Variants in NOS1AP observed in about 807,000 individuals in gnomAD.
NOS1AP encodes the protein nitric oxide synthase 1 adaptor protein, also known as carboxyl-terminal PDZ ligand of neuronal nitric oxide synthase protein.
Under a neutral mutation model 56.2 loss-of-function variants are expected in NOS1AP, and 21 were observed. The observed-to-expected ratio is 0.37, with a 90% CI of 0.26 to 0.54. The LOEUF is 0.54. NOS1AP is among the 20% of genes least tolerant of loss of function. The probability of loss-of-function intolerance (pLI) is 0.84; values close to 1 mark genes in which losing one functional copy is unlikely to be tolerated. For synonymous variants in NOS1AP, 270 were observed against 274.6 expected (o/e 0.98, Z 0.17); for missense variants, 522 against 657.8 (o/e 0.79, Z 2.26).
At chr1:162,355,786 T>C (rs1437778276) in intron 7 of NOS1AP, among the ~76,000 whole-genome samples, 1 of 152,166 alleles carries the variant, frequency 6.6e-6, no homozygotes, top group Non-Finnish European at 1.5e-5. Flanking sequence ...TTCCTGTGGA[T>C]AGCACTTTGG....
At chr1:162,268,382 A>G (rs1352169377) in intron 2 of NOS1AP, among the ~76,000 whole-genome samples, 1 of 152,204 alleles carries the variant, frequency 6.6e-6, no homozygotes, top group Non-Finnish European at 1.5e-5. Flanking sequence ...TCCCAGAGAA[A>G]AGATCTCCAG....
At chr1:162,344,771 G>C (rs1157793424) in intron 6 of NOS1AP, among the ~76,000 whole-genome samples, 2 of 150,484 alleles carry the variant, frequency 1.3e-5, no homozygotes, top group Non-Finnish European at 3.0e-5. Flanking sequence ...GCAAGAAAAA[G>C]AGCAGATAAA....
chr1:162,154,866 C>T (rs1473115757), intron 2 of NOS1AP, among the ~76,000 whole-genome samples: 2 of 152,048 alleles, frequency 1.3e-5, no homozygotes, highest in Non-Finnish European at 2.9e-5. Flanking sequence ...GTTGCCCAGG[C>T]TGGTCTCGAA....
chr1:162,070,176 C>T lies in NOS1AP; in HGVS notation c.-2C>T. On this transcript the variant is annotated 5_prime_UTR_variant, in exon 1 of 10. Coordinates refer to ENST00000361897, the MANE Select transcript of NOS1AP (RefSeq NM_014697.3). Reference sequence around the variant, plus strand: ...GAAGGAGCGGGTCCGCCGCGGGTAACCATGCCTAGCAAAACCAAGTACAAC... The same window carrying T: ...GAAGGAGCGGGTCCGCCGCGGGTAATCATGCCTAGCAAAACCAAGTACAAC... 2 of 1,613,422 alleles carry T rather than the reference C, an allele frequency of 1.2e-6. No homozygotes were observed. The highest frequency in any genetic ancestry group is 1.1e-5 in the South Asian group (1 of 91,074).
At chr1:162,287,930 C>T (rs571578423) in intron 3 of NOS1AP, among the ~76,000 whole-genome samples, 236 of 152,256 alleles carry the variant, frequency 1.6e-3, no homozygotes, top group Admixed American at 3.3e-3. Flanking sequence ...TTACATCGTC[C>T]CTCAAGACCC....
intron 1 of NOS1AP, among the ~76,000 whole-genome samples, chr1:162,088,870 G>A (rs2102020965): frequency 6.6e-6 from 1 of 152,136 alleles, no homozygotes; most frequent in East Asian, 1.9e-4. Flanking sequence ...CCCTTCCTGT[G>A]GTAACGTCTT....
intron 3 of NOS1AP, among the ~76,000 whole-genome samples, chr1:162,289,217 C>CTTCCTTTCCT (rs1553202251): frequency 5.0e-5 from 1 of 20,142 alleles, no homozygotes; most frequent in African/African-American, 2.1e-4. Context: ...CCTTTCCTTC[C>CTTCCTTTCCT]TTCCTTCCTT....
intron 1 of NOS1AP, among the ~76,000 whole-genome samples, chr1:162,131,729 G>C (rs1285182664): frequency 1.3e-5 from 2 of 152,056 alleles, no homozygotes; most frequent in African/African-American, 4.8e-5. Flanking sequence ...GTGTTATAAG[G>C]CGGCATTTTT....
chr1:162,336,805 T>C (rs1656954797), intron 5 of NOS1AP, among the ~76,000 whole-genome samples: 2 of 152,170 alleles, frequency 1.3e-5, no homozygotes, highest in African/African-American at 2.4e-5. Flanking sequence ...GGAGTGCTGA[T>C]TGTTGTGTGT....
intron 8 of NOS1AP, among the ~76,000 whole-genome samples, chr1:162,361,873 C>T (rs1330349728): frequency 1.3e-5 from 2 of 152,200 alleles, no homozygotes; most frequent in Admixed American, 6.5e-5. Flanking sequence ...TTCCTTCACC[C>T]TCAATTCTAA....
chr1:162,269,407 CTTTAA>C (rs750985769), intron 2 of NOS1AP, among the ~76,000 whole-genome samples: 12 of 152,028 alleles, frequency 7.9e-5, no homozygotes, highest in East Asian at 1.9e-4. Context: ...TGAAAAGTAA[CTTTAA>C]TTTAAGAAAC....
chr1:162,264,921 C>T (rs1278404477), intron 2 of NOS1AP, among the ~76,000 whole-genome samples: 1 of 151,586 alleles, frequency 6.6e-6, no homozygotes, highest in African/African-American at 2.4e-5. Flanking sequence ...TCAAGCGATT[C>T]TCTTGCCTCA....
At chr1:162,123,608 A>G (rs1648342779) in intron 1 of NOS1AP, among the ~76,000 whole-genome samples, 1 of 152,246 alleles carries the variant, frequency 6.6e-6, no homozygotes, top group African/African-American at 2.4e-5. Context: ...TAAATCTAAT[A>G]AAAGGGAGCA....
At chr1:162,316,759 C>CTTTGTACCTTCTT (rs1656244016) in intron 4 of NOS1AP, 1 of 152,718 alleles carries the variant, frequency 6.5e-6, no homozygotes, top group Non-Finnish European at 1.5e-5. Flanking sequence ...GGGAGAATTA[C>CTTTGTACCTTCTT]AAAGAACCTT....
intron 1 of NOS1AP, among the ~76,000 whole-genome samples, chr1:162,079,720 C>T (rs1220226082): frequency 6.6e-6 from 1 of 152,218 alleles, no homozygotes; most frequent in Non-Finnish European, 1.5e-5. Flanking sequence ...GTTATTAAGT[C>T]CTACAAGTTG....
rs1033347270 is a variant in NOS1AP at position 162,332,915 on chromosome 1, C to G, written c.345-102C>G. ...GAAGACTTTCTGTAATAACTTGGCT[C>G]TCATGAGCTGTGCTTCAGAGTGTCC... is the stretch of plus-strand genomic sequence containing the variant. On this transcript the variant is annotated intron_variant, in intron 4 of 9. Coordinates refer to ENST00000361897, the MANE Select transcript of NOS1AP (RefSeq NM_014697.3). 10 of 844,494 alleles carry G rather than the reference C, an allele frequency of 1.2e-5. No individual in the cohort carries two copies. The African/African-American group carries it at 1.7e-4, about 14-fold the overall frequency. 52.3% of individuals were successfully genotyped at this position (844,494 alleles called of 1,614,324 possible).
intron 2 of NOS1AP, among the ~76,000 whole-genome samples, chr1:162,210,931 T>A (rs1408819830): frequency 6.6e-6 from 1 of 152,232 alleles, no homozygotes; most frequent in Non-Finnish European, 1.5e-5. Flanking sequence ...GCTGCTGTGA[T>A]GCTGGAGGGG....
chr1:162,196,012 G>C (rs1651794532), intron 2 of NOS1AP, among the ~76,000 whole-genome samples: 1 of 152,210 alleles, frequency 6.6e-6, no homozygotes, highest in African/African-American at 2.4e-5. Context: ...GACCAAAGGG[G>C]TAAAGGAGAT....
intron 2 of NOS1AP, among the ~76,000 whole-genome samples, chr1:162,210,254 TG>T (rs1288257795): frequency 1.3e-5 from 2 of 152,120 alleles, no homozygotes; most frequent in African/African-American, 4.8e-5. Flanking sequence ...GTGGGTTCCT[TG>T]GATCTCCTTG....
Sources: allele counts gnomAD v4.1 joint callset (sites outside exome capture counted in the v4.1 genomes callset), GRCh38; gene constraint gnomAD v4.1.1; transcripts MANE v1.5; gene names NCBI Gene and HGNC (gene_info 2026-07-23, HGNC 2026-07-21).